The following HTATIP2 variants were observed in gnomAD, a reference collection of about 807,000 sequenced individuals.
HTATIP2 encodes the protein protein HTATIP2.
In HTATIP2, 26 loss-of-function variants were observed where a neutral mutation model predicts 24.7. The observed-to-expected ratio is 1.05, with a 90% CI of 0.77 to 1.46. The LOEUF (loss-of-function observed/expected upper bound fraction) is 1.46, where lower values mean the gene tolerates loss of function less well. Among genes scored for constraint, HTATIP2 ranks in the 40% most tolerant of loss-of-function variants. The probability of loss-of-function intolerance (pLI) is 0.00; values close to 1 mark genes in which losing one functional copy is unlikely to be tolerated. For synonymous variants in HTATIP2, 99 were observed against 113.2 expected (o/e 0.87, Z 0.79); for missense variants, 284 against 289.6 (o/e 0.98, Z 0.14).
At chr11:20,378,880 A>G (rs1474815947) in intron 3 of HTATIP2, among the ~76,000 whole-genome samples, 1 of 152,184 alleles carries the variant, frequency 6.6e-6, no homozygotes, top group Non-Finnish European at 1.5e-5. Flanking sequence ...TGTACTAAAA[A>G]TACAAAAATT....
chr11:20,376,660 C>G lies in HTATIP2; in HGVS notation c.384C>G (p.Asn128Lys). The G allele has an allele frequency of 6.2e-7, 1 of 1,613,792 alleles. No homozygotes were observed. Residue 128 changes from asparagine (N) to lysine (K), a missense_variant, in exon 3 of 5, where the codon AAC becomes AAG. Coordinates refer to ENST00000451739, the MANE Select transcript of HTATIP2 (RefSeq NM_001098522.2). ...LAKAGGCKHF[N>K]LLSSKGADKS... Reference sequence around the variant, plus strand: ...AAGCTGGAGGGTGCAAACATTTCAACTTGCTATCCTCTAAAGGAGCTGATA... The same window carrying G: ...AAGCTGGAGGGTGCAAACATTTCAAGTTGCTATCCTCTAAAGGAGCTGATA...
At chr11:20,365,497 A>G (rs1016974000) in intron 1 of HTATIP2, among the ~76,000 whole-genome samples, 2 of 152,228 alleles carry the variant, frequency 1.3e-5, no homozygotes, top group Admixed American at 6.5e-5. Flanking sequence ...GAACATTTCA[A>G]ATAACAAGCC....
chr11:20,373,648 G>T (rs564144612), intron 2 of HTATIP2, among the ~76,000 whole-genome samples: 59 of 152,334 alleles, frequency 3.9e-4, no homozygotes, highest in Middle Eastern at 3.4e-3. Context: ...CTAGTCAACT[G>T]TGTCATTTTG....
intron 2 of HTATIP2, among the ~76,000 whole-genome samples, chr11:20,372,155 C>T (rs557702891): frequency 1.3e-5 from 2 of 152,178 alleles, no homozygotes; most frequent in East Asian, 3.9e-4. Flanking sequence ...CACTGTGTTG[C>T]CAAGGCTAGA....
At chr11:20,369,815 G>A (rs1224256775) in intron 2 of HTATIP2, among the ~76,000 whole-genome samples, 3 of 152,178 alleles carry the variant, frequency 2.0e-5, no homozygotes, top group South Asian at 4.1e-4. Context: ...GGGGTTAGGA[G>A]TTCAACATAC....
At position 20,363,817 on chromosome 11, in the gene HTATIP2, C is replaced by A. The variant is rs940778400; in HGVS notation, c.-421C>A. The A allele has an allele frequency of 8.0e-7, 1 of 1,245,204 alleles. No individual in the cohort carries two copies. Among genetic ancestry groups the A allele is most frequent in the Non-Finnish European group, 1.0e-6 (1 of 989,798 alleles). 77.1% of individuals were successfully genotyped at this position (1,245,204 alleles called of 1,614,324 possible). A position where few individuals can be genotyped will look rare whatever the true frequency, so the allele number is the denominator to read the frequency against. On this transcript the variant is annotated 5_prime_UTR_variant, in exon 1 of 5. Coordinates refer to ENST00000451739, the MANE Select transcript of HTATIP2 (RefSeq NM_001098522.2). ...AGGGAAGGTGGGATGCTCTGATGGC[C>A]GGGCCTGCGGCGCTGAGCGCGGCGG...
Position 20,383,112 on chromosome 11 carries a change from C to T in HTATIP2, c.636C>T (p.Asn212=), listed in dbSNP as rs575746142. The T allele has an allele frequency of 1.8e-4, 296 of 1,614,012 alleles. 2 individuals are homozygous for T. In the South Asian group the frequency reaches 3.1e-3, roughly 17 times the overall value. The change falls in exon 5 of 5, where the codon AAC becomes AAT. Residue 212 remains asparagine, a synonymous_variant. Coordinates refer to ENST00000451739, the MANE Select transcript of HTATIP2 (RefSeq NM_001098522.2). ...TGACCGTGGTTAGAGCAATGCTGAA[C>T]AATGTGGTGAGACCAAGAGACAAGC... ...PVVTVVRAML[N]NVVRPRDKQM...
intron 3 of HTATIP2, among the ~76,000 whole-genome samples, chr11:20,378,966 A>G (rs886725900): frequency 6.6e-6 from 1 of 152,128 alleles, no homozygotes; most frequent in Admixed American, 6.5e-5. Flanking sequence ...GAACCCGGGA[A>G]GCAGAGGCTG....
rs991269966 is a variant in HTATIP2, at chr11:20,364,173, C to G, written c.-65C>G. On this transcript the variant is annotated 5_prime_UTR_variant, in exon 1 of 5. Coordinates refer to ENST00000451739, the MANE Select transcript of HTATIP2 (RefSeq NM_001098522.2). ...TAACAGATAAACAGCCCTTGTTCCT[C>G]GGGATAAGGACTGGCAGTCCCCTGA... 22 of 1,512,348 alleles carry G rather than the reference C, an allele frequency of 1.5e-5. No individual in the cohort carries two copies. The highest frequency in any genetic ancestry group is 2.0e-5 in the Non-Finnish European group (22 of 1,127,872). The allele number at this position is 1,512,348 out of a possible 1,614,324, so 93.7% of individuals were successfully genotyped here. A position where few individuals can be genotyped will look rare whatever the true frequency, so the allele number is the denominator to read the frequency against.
intron 2 of HTATIP2, among the ~76,000 whole-genome samples, chr11:20,372,427 G>A (rs559098190): frequency 1.6e-4 from 24 of 152,344 alleles, no homozygotes; most frequent in African/African-American, 5.8e-4. Context: ...AGAGTCGTTG[G>A]AGAATTTGCT....
chr11:20,364,119 C>A lies in HTATIP2; in HGVS notation c.-119C>A. The A allele has an allele frequency of 6.9e-7, 1 of 1,445,138 alleles. No homozygotes were observed. The highest frequency in any genetic ancestry group is 9.1e-7 in the Non-Finnish European group (1 of 1,096,796). 89.5% of individuals were successfully genotyped at this position (1,445,138 alleles called of 1,614,324 possible). A position where few individuals can be genotyped will look rare whatever the true frequency, so the allele number is the denominator to read the frequency against. ...GTGACTCAGCACTTTCCCCAGAGCC[C>A]GGACTGCGGAGAACAATATCCTCCT... On this transcript the variant is annotated 5_prime_UTR_variant, in exon 1 of 5. Coordinates refer to ENST00000451739, the MANE Select transcript of HTATIP2 (RefSeq NM_001098522.2).
Position 20,373,270 on chromosome 11 carries a change from C to T in HTATIP2, c.304-3310C>T, listed in dbSNP as rs11828234. ...TTAGCGAGGCGGGTGAAAGGAAGGACGCCAAAGTCTGATGGCCGGGGTGGT... is the reference window on the plus strand; with the variant it reads ...TTAGCGAGGCGGGTGAAAGGAAGGATGCCAAAGTCTGATGGCCGGGGTGGT... On this transcript the variant is annotated intron_variant, in intron 2 of 4. Transcript: ENST00000451739. Among the ~76,000 whole-genome samples the T allele has an allele frequency of 9.5e-3, 1,446 of 152,166 alleles. 24 individuals are homozygous for T. Among genetic ancestry groups the T allele is most frequent in the African/African-American group, 0.033 (1,381 of 41,502 alleles).
At chr11:20,380,951 T>C (rs1448507283) in intron 3 of HTATIP2, among the ~76,000 whole-genome samples, 1 of 152,200 alleles carries the variant, frequency 6.6e-6, no homozygotes, top group African/African-American at 2.4e-5. Context: ...ATTTCATTTA[T>C]ATGAAATGTC....
At chr11:20,367,123 G>T (rs1302104683) in intron 1 of HTATIP2, 51 bp from the exon 2 acceptor site, 1 of 1,596,624 alleles carries the variant, frequency 6.3e-7, no homozygotes, top group South Asian at 1.1e-5. Context: ...GGGGGTTTTT[G>T]GTCTGTTGTT....
At chr11:20,380,781 T>C (rs1458753677) in intron 3 of HTATIP2, among the ~76,000 whole-genome samples, 1 of 151,650 alleles carries the variant, frequency 6.6e-6, no homozygotes, top group Non-Finnish European at 1.5e-5. Context: ...ACAACCTAGA[T>C]AGCCATCGAC....
rs1355385596 is a variant in HTATIP2 at position 20,373,596 on chromosome 11, T to C, written c.304-2984T>C. Among the ~76,000 whole-genome samples the C allele has an allele frequency of 2.0e-5, 3 of 152,180 alleles. No homozygotes were observed. In the East Asian group the frequency reaches 5.8e-4, roughly 29 times the overall value. Reference sequence around the variant, plus strand: ...CTACTATAATAATCCTTCCAATCAATCTTGCTAAAACAACAACAACAAAAA... The same window carrying C: ...CTACTATAATAATCCTTCCAATCAACCTTGCTAAAACAACAACAACAAAAA... On this transcript the variant is annotated intron_variant, in intron 2 of 4. Coordinates refer to ENST00000451739, the MANE Select transcript of HTATIP2 (RefSeq NM_001098522.2).
chr11:20,375,409 T>C (rs192163888), intron 2 of HTATIP2, among the ~76,000 whole-genome samples: 5 of 152,236 alleles, frequency 3.3e-5, no homozygotes, highest in African/African-American at 1.2e-4. Context: ...CTGTCTCTAC[T>C]AAAATACAAA....
At chr11:20,373,645 A>G (rs1294211118) in intron 2 of HTATIP2, among the ~76,000 whole-genome samples, 1 of 152,262 alleles carries the variant, frequency 6.6e-6, no homozygotes, top group African/African-American at 2.4e-5. Context: ...TCACTAGTCA[A>G]CTGTGTCATT....
At chr11:20,372,983 C>T (rs537501375) in intron 2 of HTATIP2, among the ~76,000 whole-genome samples, 6 of 152,114 alleles carry the variant, frequency 3.9e-5, no homozygotes, top group East Asian at 1.9e-4. Context: ...ATCAGGGTGA[C>T]GGAAGTGAAA....
Sources: gnomAD v4.1 joint callset for allele counts (sites outside exome capture counted in the v4.1 genomes callset) on GRCh38, gnomAD v4.1.1 for gene constraint, MANE v1.5 for transcripts, NCBI Gene and HGNC (gene_info 2026-07-23, HGNC 2026-07-21) for gene names.